ARFIP1: variants seen among roughly 807,000 people sequenced by gnomAD.
ARFIP1 encodes the protein ARF interacting protein 1.
Under a neutral mutation model 42.5 loss-of-function variants are expected in ARFIP1, and 24 were observed. That is an observed-to-expected ratio of 0.57 (90% CI 0.41 to 0.80). ARFIP1 has a LOEUF of 0.80. Ranked by LOEUF, ARFIP1 falls within the 30% of genes least tolerant of loss-of-function variation. The pLI, the probability that ARFIP1 is intolerant of heterozygous loss-of-function variation, is 0.00. For synonymous variants in ARFIP1, 141 were observed against 153.7 expected, an observed-to-expected ratio of 0.92 and a Z score of 0.61; for missense variants, 354 against 434.0, an observed-to-expected ratio of 0.82 and a Z score of 1.64.
intron 2 of ARFIP1, among the ~76,000 whole-genome samples, chr4:152,831,713 C>T (rs189030406): frequency 5.1e-4 from 78 of 152,292 alleles, no homozygotes; most frequent in African/African-American, 1.7e-3. Context: ...CTGGCTTTCA[C>T]TCAACATTAT....
intron 1 of ARFIP1, among the ~76,000 whole-genome samples, chr4:152,783,465 T>C (rs1730622035): frequency 1.3e-5 from 2 of 152,230 alleles, no homozygotes; most frequent in Non-Finnish European, 2.9e-5. Flanking sequence ...TTATCTCAAA[T>C]GATAACCTTA....
At chr4:152,812,390 C>G (rs1358875934) in intron 1 of ARFIP1, among the ~76,000 whole-genome samples, 1 of 152,128 alleles carries the variant, frequency 6.6e-6, no homozygotes, top group Non-Finnish European at 1.5e-5. Flanking sequence ...ACAGGGTCTC[C>G]CTATGTTGCC....
chr4:152,801,562 T>C (rs1728422501), intron 1 of ARFIP1, among the ~76,000 whole-genome samples: 1 of 152,164 alleles, frequency 6.6e-6, no homozygotes, highest in Non-Finnish European at 1.5e-5. Flanking sequence ...TTTATAATAA[T>C]AGGTTTGAGA....
At chr4:152,793,557 A>G (rs1468149228) in intron 1 of ARFIP1, among the ~76,000 whole-genome samples, 3 of 152,088 alleles carry the variant, frequency 2.0e-5, no homozygotes, top group South Asian at 4.1e-4. Flanking sequence ...TCCTATACAT[A>G]CATACCTATG....
intron 1 of ARFIP1, among the ~76,000 whole-genome samples, chr4:152,791,217 A>G (rs1312866008): frequency 6.6e-6 from 1 of 152,204 alleles, no homozygotes; most frequent in Non-Finnish European, 1.5e-5. Context: ...AATAAATGTA[A>G]TATACTTTGA....
chr4:152,893,332 C>T (rs1737021355), intron 8 of ARFIP1, among the ~76,000 whole-genome samples: 1 of 152,082 alleles, frequency 6.6e-6, no homozygotes, highest in Admixed American at 6.6e-5. Flanking sequence ...CTTCTGTTTT[C>T]TGCAATGTTT....
intron 5 of ARFIP1, among the ~76,000 whole-genome samples, chr4:152,875,027 C>T (rs1348028647): frequency 1.3e-5 from 2 of 152,112 alleles, no homozygotes; most frequent in Admixed American, 6.6e-5. Flanking sequence ...TTCATGCTTT[C>T]TACCTTTAAT....
chr4:152,883,770 A>C (rs1444684626), intron 7 of ARFIP1, among the ~76,000 whole-genome samples: 1 of 151,628 alleles, frequency 6.6e-6, no homozygotes, highest in Non-Finnish European at 1.5e-5. Flanking sequence ...TTTTGATTCC[A>C]GGCCCAATTT....
chr4:152,785,801 T>C (rs912554346), intron 1 of ARFIP1, among the ~76,000 whole-genome samples: 1 of 152,236 alleles, frequency 6.6e-6, no homozygotes, highest in African/African-American at 2.4e-5. Flanking sequence ...TAGCCACATG[T>C]AGCTATTTAA....
intron 1 of ARFIP1, among the ~76,000 whole-genome samples, chr4:152,804,525 G>T (rs1728858695): frequency 7.6e-6 from 1 of 130,778 alleles, no homozygotes; most frequent in Non-Finnish European, 1.6e-5. Flanking sequence ...ATAGTTGGGA[G>T]GGCCTGTTCA....
chr4:152,824,876 A>T (rs1337832209), intron 1 of ARFIP1, among the ~76,000 whole-genome samples: 2 of 152,162 alleles, frequency 1.3e-5, no homozygotes, highest in Admixed American at 6.5e-5. Flanking sequence ...ACAAAATAGT[A>T]GCACTGCTAT....
In ARFIP1 at chr4:152,835,190, C is replaced by T. The variant is rs148202095; in HGVS notation, c.93+5464C>T. ...CAGTCTGCTCGGATTCTTTCTCTAC[C>T]ACAGGGCCAGCCTGCAAATTTTCCA... is the stretch of plus-strand genomic sequence containing the variant. On this transcript the variant is annotated intron_variant, in intron 2 of 8. Transcript: ENST00000353617. 2.6e-3 allele frequency among the ~76,000 whole-genome samples: 395 copies of T among 152,320 alleles called. 1 individual carries two copies. The highest frequency in any genetic ancestry group is 9.1e-3 in the African/African-American group (378 of 41,568).
At chr4:152,864,606 G>C (rs1734165795) in intron 3 of ARFIP1, among the ~76,000 whole-genome samples, 1 of 152,138 alleles carries the variant, frequency 6.6e-6, no homozygotes, top group Non-Finnish European at 1.5e-5. Context: ...ATTTTTACTG[G>C]GGGCTGATCA....
At chr4:152,803,949 C>G (rs1728625417) in intron 1 of ARFIP1, among the ~76,000 whole-genome samples, 2 of 137,866 alleles carry the variant, frequency 1.5e-5, no homozygotes, top group African/African-American at 5.3e-5. Flanking sequence ...ATATAAATGT[C>G]TGAATGTGTA....
intron 8 of ARFIP1, among the ~76,000 whole-genome samples, chr4:152,898,093 C>G (rs1010526601): frequency 2.0e-5 from 3 of 149,672 alleles, no homozygotes; most frequent in Non-Finnish European, 4.4e-5. Flanking sequence ...AAGCAATTCT[C>G]TGCCTCAGCC....
chr4:152,814,426 C>G (rs1343287534), intron 1 of ARFIP1, among the ~76,000 whole-genome samples: 1 of 152,092 alleles, frequency 6.6e-6, no homozygotes, highest in Non-Finnish European at 1.5e-5. Flanking sequence ...AAAAATGTTT[C>G]AGCTCAGGTG....
intron 1 of ARFIP1, among the ~76,000 whole-genome samples, chr4:152,793,190 A>G (rs1731233026): frequency 6.6e-6 from 1 of 151,936 alleles, no homozygotes. Context: ...GTATTTTGTT[A>G]TCAAAGTTAT....
chr4:152,899,527 C>T (rs959839004), intron 8 of ARFIP1, among the ~76,000 whole-genome samples: 10 of 152,186 alleles, frequency 6.6e-5, no homozygotes, highest in Non-Finnish European at 1.0e-4. Context: ...CTTACCTACC[C>T]TTTTGTACCT....
chr4:152,884,211 G>GT (rs1736086884), intron 7 of ARFIP1, among the ~76,000 whole-genome samples: 1 of 151,932 alleles, frequency 6.6e-6, no homozygotes, highest in South Asian at 2.1e-4. Flanking sequence ...TTGTATGGAG[G>GT]GGTAAGGGTG....
Sources: gnomAD v4.1 joint callset for allele counts (sites outside exome capture counted in the v4.1 genomes callset) on GRCh38, gnomAD v4.1.1 for gene constraint, MANE v1.5 for transcripts, NCBI Gene and HGNC (gene_info 2026-07-23, HGNC 2026-07-21) for gene names.